NDNF: variants seen among roughly 807,000 people sequenced by gnomAD.
NDNF encodes the protein protein NDNF.
Under a neutral mutation model 42.0 loss-of-function variants are expected in NDNF, and 16 were observed. That is an observed-to-expected ratio of 0.38 (90% confidence interval 0.26 to 0.58). NDNF has a LOEUF of 0.58. Ranked by LOEUF, NDNF falls within the 20% of genes least tolerant of loss-of-function variation. NDNF has a pLI of 0.67. For synonymous variants in NDNF, 248 were observed against 251.7 expected (o/e 0.99, Z 0.14); for missense variants, 616 against 666.2 (o/e 0.92, Z 0.83).
At chr4:121,038,475 G>T (rs11098597) in intron 3 of NDNF, among the ~76,000 whole-genome samples, 72,208 of 152,004 alleles carry the variant, frequency 0.48, 20,406 homozygotes, top group East Asian at 0.64. Flanking sequence ...AGGAATAGTG[G>T]TAAAGCTAAA....
intron 1 of NDNF, among the ~76,000 whole-genome samples, chr4:121,060,687 T>C (rs918228804): frequency 6.6e-6 from 1 of 152,156 alleles, no homozygotes; most frequent in Non-Finnish European, 1.5e-5. Flanking sequence ...CATTTATTAC[T>C]ACTACAGAAT....
chr4:121,054,362 T>A (rs1001386620), intron 1 of NDNF, among the ~76,000 whole-genome samples: 1 of 152,220 alleles, frequency 6.6e-6, no homozygotes, highest in Admixed American at 6.5e-5. Flanking sequence ...ATATAATACA[T>A]TTTTGCTACA....
intron 1 of NDNF, among the ~76,000 whole-genome samples, chr4:121,070,217 TAACA>T (rs747448164): frequency 8.1e-5 from 7 of 86,734 alleles, no homozygotes; most frequent in Non-Finnish European, 2.1e-4. Context: ...TTATCACTCT[TAACA>T]AACAATAATG....
chr4:121,044,292 G>C (rs1461923911), intron 2 of NDNF, among the ~76,000 whole-genome samples: 3 of 152,068 alleles, frequency 2.0e-5, no homozygotes, highest in Non-Finnish European at 4.4e-5. Context: ...CTAATGATCT[G>C]ATATATCTCA....
intron 1 of NDNF, among the ~76,000 whole-genome samples, chr4:121,054,320 T>C (rs1727249038): frequency 1.3e-5 from 2 of 152,254 alleles, no homozygotes; most frequent in African/African-American, 4.8e-5. Context: ...TCAGCATTTC[T>C]ACTCATTCAT....
intron 1 of NDNF, among the ~76,000 whole-genome samples, chr4:121,060,488 T>C (rs1287153376): frequency 2.6e-5 from 4 of 152,116 alleles, no homozygotes; most frequent in South Asian, 2.1e-4. Context: ...GCTTACCTTT[T>C]TTACATTAAA....
At chr4:121,055,543 T>G (rs1484386735) in intron 1 of NDNF, among the ~76,000 whole-genome samples, 1 of 151,280 alleles carries the variant, frequency 6.6e-6, no homozygotes, top group African/African-American at 2.4e-5. Flanking sequence ...TGGCATCAAA[T>G]AGCCTGAATA....
At chr4:121,056,745 G>C (rs991525006) in intron 1 of NDNF, among the ~76,000 whole-genome samples, 1 of 152,294 alleles carries the variant, frequency 6.6e-6, no homozygotes, top group Middle Eastern at 3.4e-3. Context: ...TACTTAACAT[G>C]ATTCAAGTTC....
chr4:121,044,092 C>A (rs6832652), intron 2 of NDNF, among the ~76,000 whole-genome samples: 9,056 of 152,202 alleles, frequency 0.059, 861 homozygotes, highest in African/African-American at 0.2. Context: ...TGTGTTCATG[C>A]AAACAAATAA....
intron 1 of NDNF, among the ~76,000 whole-genome samples, chr4:121,056,158 A>C (rs1332658191): frequency 6.6e-6 from 1 of 152,228 alleles, no homozygotes; most frequent in Non-Finnish European, 1.5e-5. Context: ...GCTACTGGGC[A>C]CTTATTTGGA....
In NDNF at chr4:121,040,466, T is replaced by C. The variant is rs545237750; in HGVS notation, c.189-412A>G. On this transcript the variant is annotated intron_variant, in intron 2 of 3. Transcript: ENST00000379692. ...TGCCCTATAGGTGCCATGCTTTCCA[T>C]ACATTTGGTGATAAATTTGTACATT... is the stretch of plus-strand genomic sequence containing the variant. 1.1e-4 allele frequency among the ~76,000 whole-genome samples: 17 copies of C among 152,348 alleles called. No individual in the cohort carries two copies. In the East Asian group the frequency reaches 1.2e-3, roughly 10 times the overall value.
At chr4:121,052,024 T>A (rs994978599) in intron 1 of NDNF, among the ~76,000 whole-genome samples, 2 of 152,242 alleles carry the variant, frequency 1.3e-5, no homozygotes, top group Non-Finnish European at 2.9e-5. Flanking sequence ...ACCTTTCTCA[T>A]CACTGTAGCT....
At chr4:121,043,774 G>A (rs1163571654) in intron 2 of NDNF, among the ~76,000 whole-genome samples, 1 of 152,120 alleles carries the variant, frequency 6.6e-6, no homozygotes, top group Non-Finnish European at 1.5e-5. Context: ...GTGCATTTGG[G>A]AAATGAAAGT....
At chr4:121,038,694 C>T (rs935553182) in intron 3 of NDNF, among the ~76,000 whole-genome samples, 1 of 151,986 alleles carries the variant, frequency 6.6e-6, no homozygotes, top group Non-Finnish European at 1.5e-5. Context: ...GATATATTAA[C>T]ATCAAGATTT....
At position 121,057,221 on chromosome 4, in the gene NDNF, C is replaced by T. The variant is rs556589711; in HGVS notation, c.-1-11383G>A. Among the ~76,000 whole-genome samples, 3 of 152,046 alleles carry T rather than the reference C, an allele frequency of 2.0e-5. No homozygotes were observed. In the South Asian group the frequency reaches 6.2e-4, roughly 31 times the overall value. On this transcript the variant is annotated intron_variant, in intron 1 of 3. Coordinates refer to ENST00000379692, the MANE Select transcript of NDNF (RefSeq NM_024574.4). ...GAGGTGAAGACTGGGGAAGAAGGGG[C>T]CCTTCTAGGCTAAGTAGTCAAGAAA...
intron 1 of NDNF, among the ~76,000 whole-genome samples, chr4:121,052,056 G>A (rs1470495294): frequency 2.6e-5 from 4 of 152,182 alleles, no homozygotes; most frequent in African/African-American, 9.7e-5. Context: ...GCAGCCAACA[G>A]CTTTACCTAC....
chr4:121,063,555 C>T (rs1727449769), intron 1 of NDNF, among the ~76,000 whole-genome samples: 1 of 152,046 alleles, frequency 6.6e-6, no homozygotes, highest in Non-Finnish European at 1.5e-5. Flanking sequence ...GTTAGTAGGA[C>T]TAATTAAAAG....
At chr4:121,049,165 G>A (rs1040221029) in intron 1 of NDNF, among the ~76,000 whole-genome samples, 1 of 152,196 alleles carries the variant, frequency 6.6e-6, no homozygotes, top group Non-Finnish European at 1.5e-5. Flanking sequence ...CAAGTTATAG[G>A]ATTATGCAGA....
chr4:121,036,635 A>G lies in NDNF; in HGVS notation c.1336T>C (p.Ser446Pro). ...TTGATTCTTGTGTCTTCAGGAAGAG[A>G]GGGAAATGACTGCTTAGTAGGCCTT... is the stretch of plus-strand genomic sequence containing the variant. Reference protein sequence around the residue: ...TTRPTKQSFPSLPEDTRIKAF... With the variant: ...TTRPTKQSFPPLPEDTRIKAF... Residue 446 changes from serine (S) to proline (P), a missense_variant, in exon 4 of 4, where the codon TCT (serine) becomes CCT (proline). Transcript: ENST00000379692. 1 of 1,614,148 alleles carries G rather than the reference A, an allele frequency of 6.2e-7. No homozygotes were observed. Among genetic ancestry groups the G allele is most frequent in the Non-Finnish European group, 8.5e-7 (1 of 1,180,024 alleles).
Sources: allele counts gnomAD v4.1 joint callset (sites outside exome capture counted in the v4.1 genomes callset), GRCh38; gene constraint gnomAD v4.1.1; transcripts MANE v1.5; gene names NCBI Gene and HGNC (gene_info 2026-07-23, HGNC 2026-07-21).